The following GABRA5 variants were observed in gnomAD, a reference collection of about 807,000 sequenced individuals.
GABRA5 encodes the protein gamma-aminobutyric acid type A receptor subunit alpha5, also known as gamma-aminobutyric acid receptor subunit alpha-5.
GABRA5 carries 18 observed loss-of-function variants against 47.3 expected under a neutral mutation model. The observed-to-expected ratio is 0.38, with a 90% CI of 0.26 to 0.56. The LOEUF (loss-of-function observed/expected upper bound fraction) is 0.56. GABRA5 is among the 20% of genes least tolerant of loss of function. The pLI is 0.71. For missense variants in GABRA5, 365 were observed against 599.3 expected, an observed-to-expected ratio of 0.61 and a Z score of 4.08; for synonymous variants, 237 against 229.3, an observed-to-expected ratio of 1.03 and a Z score of -0.30.
intron 7 of GABRA5, among the ~76,000 whole-genome samples, chr15:26,921,460 C>T (rs1488636578): frequency 1.3e-5 from 2 of 152,024 alleles, no homozygotes; most frequent in African/African-American, 4.8e-5. Context: ...AGTGATATCT[C>T]TTATTTCTGA....
At chr15:26,914,687 C>T (rs1893679557) in intron 6 of GABRA5, 116 bp from the exon 7 acceptor site, 6 of 738,404 alleles carry the variant, frequency 8.1e-6, no homozygotes, top group Non-Finnish European at 1.4e-5. Flanking sequence ...CAGATAATCT[C>T]ATAAGAGACA....
intron 3 of GABRA5, among the ~76,000 whole-genome samples, chr15:26,879,010 T>C (rs911953582): frequency 6.6e-6 from 1 of 152,238 alleles, no homozygotes; most frequent in Non-Finnish European, 1.5e-5. Flanking sequence ...TGGTCAATCA[T>C]GAAGTCAAGC....
chr15:26,924,210 C>T (rs1395395959), intron 7 of GABRA5, among the ~76,000 whole-genome samples: 2 of 145,320 alleles, frequency 1.4e-5, no homozygotes, highest in Non-Finnish European at 3.0e-5. Context: ...GTGGTACAGC[C>T]TCGTTACCAC....
At chr15:26,910,778 CCA>C (rs1893562944) in intron 6 of GABRA5, among the ~76,000 whole-genome samples, 1 of 152,066 alleles carries the variant, frequency 6.6e-6, no homozygotes, top group Non-Finnish European at 1.5e-5. Context: ...TGAAGTCTTT[CCA>C]CAGTCAAGTT....
At chr15:26,929,682 G>A (rs1385875534) in intron 7 of GABRA5, among the ~76,000 whole-genome samples, 1 of 152,218 alleles carries the variant, frequency 6.6e-6, no homozygotes, top group African/African-American at 2.4e-5. Context: ...CAGAACCCCT[G>A]CTGGGGTGGC....
At chr15:26,904,430 C>T (rs538873175) in intron 6 of GABRA5, among the ~76,000 whole-genome samples, 25 of 151,896 alleles carry the variant, frequency 1.6e-4, no homozygotes, top group African/African-American at 2.7e-4. Flanking sequence ...TGCTTAGGGT[C>T]GCCTTGGCTA....
intron 6 of GABRA5, among the ~76,000 whole-genome samples, chr15:26,906,933 A>C (rs1893457618): frequency 6.6e-6 from 1 of 152,190 alleles, no homozygotes; most frequent in African/African-American, 2.4e-5. Flanking sequence ...TAACATCTCA[A>C]AATTATCAAA....
rs148056764 is a variant in GABRA5, at chr15:26,886,576, C to T, written c.497+3019C>T. 1.0e-3 allele frequency among the ~76,000 whole-genome samples: 153 copies of T among 152,288 alleles called. 1 individual carries two copies. The highest frequency in any genetic ancestry group is 3.6e-3 in the African/African-American group (150 of 41,568). ...GCTTAGGGGTGTTTGGTAACCAGCC[C>T]AGGATCACACAGCTAGTGAGGAGGT... is the stretch of plus-strand genomic sequence containing the variant. On this transcript the variant is annotated intron_variant, in intron 6 of 10. Transcript: ENST00000335625.
At chr15:26,946,330 G>T (rs576523590) in intron 10 of GABRA5, among the ~76,000 whole-genome samples, 1 of 151,936 alleles carries the variant, frequency 6.6e-6, no homozygotes, top group Non-Finnish European at 1.5e-5. Context: ...AGAGGTTTAC[G>T]GTGAAAACCT....
chr15:26,940,889 G>A (rs1368608549), intron 9 of GABRA5, among the ~76,000 whole-genome samples: 1 of 152,202 alleles, frequency 6.6e-6, no homozygotes, highest in Non-Finnish European at 1.5e-5. Context: ...GATTCAGGAA[G>A]ATACTAAAGG....
chr15:26,925,885 G>A (rs760824680), intron 7 of GABRA5, among the ~76,000 whole-genome samples: 52 of 152,278 alleles, frequency 3.4e-4, no homozygotes, highest in Non-Finnish European at 6.9e-4. Flanking sequence ...GGTGGTTCTC[G>A]CGCTGGAGTT....
At chr15:26,935,198 G>A (rs967640861) in intron 7 of GABRA5, among the ~76,000 whole-genome samples, 5 of 152,276 alleles carry the variant, frequency 3.3e-5, no homozygotes, top group South Asian at 2.1e-4. Context: ...ATGTCCAGCT[G>A]ACGCACTGCA....
In GABRA5 at chr15:26,883,315, C is replaced by T; in HGVS notation, c.277-22C>T. 1 of 1,613,292 alleles carries T rather than the reference C, an allele frequency of 6.2e-7. No individual in the cohort carries two copies. The highest frequency in any genetic ancestry group is 8.5e-7 in the Non-Finnish European group (1 of 1,179,266). ...CCCAGGCCCCGTGCCCTCTGACTGC[C>T]TCGTGCCTTCCTTTCCACTAGGAGT... On this transcript the variant is annotated intron_variant, in intron 5 of 10. Transcript: ENST00000335625. This position sits in a 1 kb window ranked among gnomAD's most constrained non-coding sequence, Gnocchi z 4.8.
rs949507582 is a variant in GABRA5 at position 26,890,427 on chromosome 15, T to A, written c.497+6870T>A. The stretch of plus-strand genomic sequence containing the variant: ...ATCTCAAGATTTGTAGTCACTTCAA[T>A]TTTTTTTTTTTTTTTTTGCTTTGGG... On this transcript the variant is annotated intron_variant, in intron 6 of 10. Transcript: ENST00000335625. Among the ~76,000 whole-genome samples, 5 of 77,138 alleles carry A rather than the reference T, an allele frequency of 6.5e-5. No homozygotes were observed. The East Asian group carries it at 1.2e-3, about 19-fold the overall frequency. The allele number at this position is 77,138 out of a possible 152,430, so 50.6% of individuals were successfully genotyped here. A position where few individuals can be genotyped will look rare whatever the true frequency, so the allele number is the denominator to read the frequency against.
chr15:26,939,227 A>C, intron 8 of GABRA5: 1 of 765,052 alleles, frequency 1.3e-6, no homozygotes, highest in Non-Finnish European at 2.4e-6. Context: ...TCCCGACCTC[A>C]GCTCCTTACC....
intron 7 of GABRA5, among the ~76,000 whole-genome samples, chr15:26,927,935 T>C (rs1290578413): frequency 1.3e-5 from 2 of 152,212 alleles, no homozygotes; most frequent in Non-Finnish European, 2.9e-5. Context: ...AATCTTGAAA[T>C]TAGTCTCAGC....
At chr15:26,870,790 T>C (rs1335526553) in intron 3 of GABRA5, among the ~76,000 whole-genome samples, 1 of 152,250 alleles carries the variant, frequency 6.6e-6, no homozygotes. Flanking sequence ...TATTCAAATT[T>C]GTCATCTAAT....
At chr15:26,886,113 G>A (rs1463627368) in intron 6 of GABRA5, among the ~76,000 whole-genome samples, 4 of 152,048 alleles carry the variant, frequency 2.6e-5, no homozygotes, top group Non-Finnish European at 5.9e-5. Flanking sequence ...TCCACCTCCC[G>A]GGTTCGAGCG....
At chr15:26,932,234 A>G (rs1894125561) in intron 7 of GABRA5, among the ~76,000 whole-genome samples, 2 of 152,228 alleles carry the variant, frequency 1.3e-5, no homozygotes, top group African/African-American at 4.8e-5. Flanking sequence ...ACAATTGTCT[A>G]ATATCCAGAA....
Sources: gnomAD v4.1 joint callset for allele counts (sites outside exome capture counted in the v4.1 genomes callset) on GRCh38, gnomAD v4.1.1 for gene constraint, Gnocchi (gnomAD v3.1) non-coding constraint, MANE v1.5 for transcripts, NCBI Gene and HGNC (gene_info 2026-07-23, HGNC 2026-07-21) for gene names.